Variants in LRP1B observed in about 807,000 individuals in gnomAD.
LRP1B encodes the protein LDL receptor related protein 1B, also known as low-density lipoprotein receptor-related protein 1B.
In LRP1B, 217 loss-of-function variants were observed where a neutral mutation model predicts 556.6. The ratio of observed to expected loss-of-function variants is 0.39; its 90% CI spans 0.35 to 0.44. The LOEUF is 0.44. Among genes scored for constraint, LRP1B ranks in the 20% least tolerant of loss-of-function variants. The probability of loss-of-function intolerance (pLI) is 1.00; values close to 1 mark genes in which losing one functional copy is unlikely to be tolerated. For missense variants in LRP1B, 5,053 were observed against 5,620.8 expected (o/e 0.90, Z 3.23); for synonymous variants, 2,047 against 1,865.8 (o/e 1.10, Z -2.50).
At chr2:141,255,287 T>C (rs1446648793) in intron 3 of LRP1B, among the ~76,000 whole-genome samples, 1 of 151,958 alleles carries the variant, frequency 6.6e-6, no homozygotes, top group Non-Finnish European at 1.5e-5. Flanking sequence ...TAAGATTCGC[T>C]AAACTAGATA....
intron 7 of LRP1B, among the ~76,000 whole-genome samples, chr2:141,169,389 A>G (rs1320176450): frequency 6.6e-6 from 1 of 151,920 alleles, no homozygotes; most frequent in Admixed American, 6.6e-5. Flanking sequence ...TCCAATTAGC[A>G]ACAAGTTTTG....
intron 1 of LRP1B, among the ~76,000 whole-genome samples, chr2:141,979,751 T>C (rs1425738327): frequency 1.3e-5 from 2 of 152,062 alleles, no homozygotes; most frequent in African/African-American, 4.8e-5. Flanking sequence ...GGGCAAAGTA[T>C]AGTTATTAGG....
intron 3 of LRP1B, among the ~76,000 whole-genome samples, chr2:141,255,646 A>C (rs186349693): frequency 1.2e-4 from 19 of 152,062 alleles, no homozygotes; most frequent in Non-Finnish European, 2.1e-4. Context: ...TAAAACTGCA[A>C]ACCTCTTTCC....
chr2:141,502,078 ATAAGAT>A (rs1165752131), intron 2 of LRP1B, among the ~76,000 whole-genome samples: 15 of 152,202 alleles, frequency 9.9e-5, no homozygotes, highest in Admixed American at 7.2e-4. Context: ...CCAAACAAAT[ATAAGAT>A]TGAGTTGTGT....
At chr2:141,602,437 C>T (rs1687782350) in intron 2 of LRP1B, among the ~76,000 whole-genome samples, 1 of 152,020 alleles carries the variant, frequency 6.6e-6, no homozygotes, top group Non-Finnish European at 1.5e-5. Context: ...CTCAAACAGG[C>T]AAAGATATTT....
At position 141,188,103 on chromosome 2, in the gene LRP1B, A is replaced by C. The variant is rs185806436; in HGVS notation, c.1013+318T>G. ...AAAAGTCCACTGTTAAGCATTAAAA[A>C]GTTTCCTCTCTTTAACCTAAAAATA... On this transcript the variant is annotated intron_variant, in intron 7 of 90. Transcript: ENST00000389484. Among the ~76,000 whole-genome samples, 604 of 152,146 alleles carry C rather than the reference A, an allele frequency of 4.0e-3. 5 individuals are homozygous for C. The highest frequency in any genetic ancestry group is 0.014 in the African/African-American group (576 of 41,534).
At chr2:141,122,121 A>C (rs1453568186) in intron 7 of LRP1B, among the ~76,000 whole-genome samples, 9 of 152,186 alleles carry the variant, frequency 5.9e-5, no homozygotes, top group Non-Finnish European at 1.0e-4. Flanking sequence ...TAAAGACTTA[A>C]ATGTTAGACC....
At chr2:141,397,112 T>TAAAAAAAAAAAAAAAAAAAAA (rs1690264904) in intron 3 of LRP1B, among the ~76,000 whole-genome samples, 1 of 2,600 alleles carries the variant, frequency 3.8e-4, no homozygotes, top group African/African-American at 2.4e-3. Flanking sequence ...AAACTTTGTC[T>TAAAAAAAAAAAAAAAAAAAAA]CAAAAAAAAA....
At chr2:141,941,620 G>A (rs965992741) in intron 1 of LRP1B, among the ~76,000 whole-genome samples, 2 of 152,180 alleles carry the variant, frequency 1.3e-5, no homozygotes, top group African/African-American at 4.8e-5. Context: ...GTATCAGGAG[G>A]TTGAATGTGG....
At chr2:141,732,584 C>A (rs971892057) in intron 2 of LRP1B, among the ~76,000 whole-genome samples, 2 of 152,038 alleles carry the variant, frequency 1.3e-5, no homozygotes, top group African/African-American at 2.4e-5. Flanking sequence ...ACCCCTATAA[C>A]TAATTTCTGC....
rs529548729 is a variant in LRP1B, at chr2:141,564,635, C to T, written c.206-84102G>A. Among the ~76,000 whole-genome samples the T allele has an allele frequency of 2.6e-5, 4 of 152,028 alleles. No homozygotes were observed. The East Asian group carries it at 5.8e-4, about 22-fold the overall frequency. On this transcript the variant is annotated intron_variant, in intron 2 of 90. Transcript: ENST00000389484. ...AGTTTGGTTATGTGTCAAAGGGATA[C>T]GTTCAGCATGTATTTGAAAGAAAAA...
At chr2:140,968,958 T>C (rs1441786469) in intron 18 of LRP1B, among the ~76,000 whole-genome samples, 2 of 152,206 alleles carry the variant, frequency 1.3e-5, no homozygotes, top group Non-Finnish European at 2.9e-5. Flanking sequence ...AACTATGTGG[T>C]CAGTTTTGGA....
intron 7 of LRP1B, among the ~76,000 whole-genome samples, chr2:141,184,756 A>C (rs1268685192): frequency 6.6e-6 from 1 of 151,500 alleles, no homozygotes; most frequent in African/African-American, 2.4e-5. Flanking sequence ...GATGGGTAAG[A>C]AAAAAGGTTC....
At chr2:141,892,904 C>T (rs1334590718) in intron 1 of LRP1B, among the ~76,000 whole-genome samples, 1 of 152,124 alleles carries the variant, frequency 6.6e-6, no homozygotes, top group Admixed American at 6.5e-5. Context: ...TTTGACATGA[C>T]AATCTGAGCT....
chr2:141,348,853 A>C (rs1211868931), intron 3 of LRP1B, among the ~76,000 whole-genome samples: 2 of 152,022 alleles, frequency 1.3e-5, no homozygotes, highest in Non-Finnish European at 2.9e-5. Flanking sequence ...GGTCTTTCCC[A>C]TGCTCTTCTC....
At chr2:140,447,705 A>G (rs1686722872) in intron 63 of LRP1B, among the ~76,000 whole-genome samples, 1 of 152,134 alleles carries the variant, frequency 6.6e-6, no homozygotes, top group South Asian at 2.1e-4. Flanking sequence ...GACTGATACA[A>G]GAAGCATAGC....
At chr2:140,267,920 AT>A (rs1293213236) in intron 86 of LRP1B, among the ~76,000 whole-genome samples, 1 of 147,436 alleles carries the variant, frequency 6.8e-6, no homozygotes, top group East Asian at 2.0e-4. Context: ...GATTTTGATG[AT>A]ACTTGGTAAG....
intron 36 of LRP1B, 79 bp downstream of exon 36, chr2:140,716,603 G>A: frequency 7.1e-7 from 1 of 1,417,680 alleles, no homozygotes; most frequent in Non-Finnish European, 9.5e-7. Context: ...TTATGAGTTA[G>A]AAAAGATTTT....
At chr2:142,020,731 A>C (rs544477950) in intron 1 of LRP1B, among the ~76,000 whole-genome samples, 1 of 152,184 alleles carries the variant, frequency 6.6e-6, no homozygotes, top group South Asian at 2.1e-4. Context: ...AAATAAAAAA[A>C]AGCCTTCCCA....
Sources: gnomAD v4.1 joint callset for allele counts (sites outside exome capture counted in the v4.1 genomes callset) on GRCh38, gnomAD v4.1.1 for gene constraint, MANE v1.5 for transcripts, NCBI Gene and HGNC (gene_info 2026-07-23, HGNC 2026-07-21) for gene names.